IL7: variants seen among roughly 807,000 people sequenced by gnomAD.
IL7 encodes the protein interleukin-7.
IL7 carries 3 observed loss-of-function variants against 21.6 expected under a neutral mutation model. The observed-to-expected ratio is 0.14, with a 90% CI of 0.06 to 0.36. The LOEUF (loss-of-function observed/expected upper bound fraction) is 0.36. Ranked by LOEUF, IL7 falls within the 10% of genes least tolerant of loss-of-function variation. IL7 has a pLI of 1.00. For missense variants in IL7, 175 were observed against 200.2 expected (o/e 0.87, Z 0.76); for synonymous variants, 62 against 68.1 (o/e 0.91, Z 0.44).
At chr8:78,707,686 T>G (rs1437783172) in intron 3 of IL7, among the ~76,000 whole-genome samples, 1 of 152,176 alleles carries the variant, frequency 6.6e-6, no homozygotes, top group Non-Finnish European at 1.5e-5. Flanking sequence ...TTGTCCATTC[T>G]GTATAAGATC....
chr8:78,805,048 A>G lies in IL7; in HGVS notation c.-126T>C. On this transcript the variant is annotated 5_prime_UTR_variant, in exon 1 of 6. Transcript: ENST00000263851. ...TGCCGAGTCTGTGTTGGGCAGGGTGATCTCTGCAGCTGGTTCCTCTTACCC... is the reference window on the plus strand; with the variant it reads ...TGCCGAGTCTGTGTTGGGCAGGGTGGTCTCTGCAGCTGGTTCCTCTTACCC... The G allele has an allele frequency of 9.8e-7, 1 of 1,017,168 alleles. No homozygotes were observed. The highest frequency in any genetic ancestry group is 1.4e-6 in the Non-Finnish European group (1 of 689,980). 63.0% of individuals were successfully genotyped at this position (1,017,168 alleles called of 1,614,324 possible). A position where few individuals can be genotyped will look rare whatever the true frequency, so the allele number is the denominator to read the frequency against.
At chr8:78,676,595 A>G (rs1809586372) in intron 4 of IL7, among the ~76,000 whole-genome samples, 1 of 152,018 alleles carries the variant, frequency 6.6e-6, no homozygotes, top group Non-Finnish European at 1.5e-5. Context: ...TCTGCTGATT[A>G]AAGTTCTGCC....
intron 2 of IL7, among the ~76,000 whole-genome samples, chr8:78,750,249 A>G (rs1204539915): frequency 6.6e-6 from 1 of 152,156 alleles, no homozygotes; most frequent in Non-Finnish European, 1.5e-5. Flanking sequence ...AAAGAGCAGC[A>G]CTGAAAGTTC....
rs1811455387 is a variant in IL7 at position 78,732,905 on chromosome 8, T to C, written c.*808A>G. 2 of 152,154 alleles carry C rather than the reference T, an allele frequency of 1.3e-5. No homozygotes were observed. The highest frequency in any genetic ancestry group is 4.2e-4 in the South Asian group (2 of 4,816). 9.4% of individuals were successfully genotyped at this position (152,154 alleles called of 1,614,324 possible). The stretch of plus-strand genomic sequence containing the variant: ...TACAGATATTTCATTAATTAAAAGG[T>C]AAACATATATTATTATCTTAAAAAT... On this transcript the variant is annotated 3_prime_UTR_variant, in exon 6 of 6. Transcript: ENST00000263851.
intron 2 of IL7, among the ~76,000 whole-genome samples, chr8:78,777,882 C>G (rs1813185577): frequency 6.6e-6 from 1 of 151,984 alleles, no homozygotes; most frequent in Non-Finnish European, 1.5e-5. Flanking sequence ...CCTGATCGCT[C>G]CTTATTATAT....
chr8:78,770,704 C>A (rs1227307887), intron 2 of IL7, among the ~76,000 whole-genome samples: 1 of 151,956 alleles, frequency 6.6e-6, no homozygotes. Flanking sequence ...CACACACATA[C>A]ACACGCACAC....
chr8:78,702,555 GGTT>G lies in IL7; in HGVS notation n.215-16611_215-16609del, dbSNP rs143681715. 9.2e-4 allele frequency among the ~76,000 whole-genome samples: 140 copies of G among 152,054 alleles called. 4 individuals carry two copies. In the East Asian group the frequency reaches 0.023, roughly 25 times the overall value. On this transcript the variant is annotated intron_variant and non_coding_transcript_variant, in intron 3 of 4. Coordinates refer to the IL7 transcript ENST00000523959. ...TCTAGTTCTTTTAGTTGTGATCTTT[GGTT>G]GTTAACTTGAGATCTTTCTAACTTT...
intron 1 of IL7, among the ~76,000 whole-genome samples, chr8:78,804,089 T>A (rs1458328869): frequency 6.6e-6 from 1 of 152,160 alleles, no homozygotes; most frequent in African/African-American, 2.4e-5. Flanking sequence ...GTAAGTTTTT[T>A]GGCTCTTTCA....
chr8:78,774,270 A>G (rs922031072), intron 2 of IL7, among the ~76,000 whole-genome samples: 17 of 152,098 alleles, frequency 1.1e-4, no homozygotes, highest in African/African-American at 3.4e-4. Context: ...CTAATGCCCA[A>G]CATTGCTAGG....
intron 1 of IL7, 82 bp downstream of exon 1, chr8:78,804,831 G>A (rs1814253887): frequency 3.8e-5 from 58 of 1,543,040 alleles, no homozygotes; most frequent in Admixed American, 5.2e-5. Context: ...GACTTGCCTA[G>A]GAGCAGGGGC....
At chr8:78,789,236 A>C (rs1355383598) in intron 2 of IL7, among the ~76,000 whole-genome samples, 1 of 152,180 alleles carries the variant, frequency 6.6e-6, no homozygotes. Context: ...TATTCATAAA[A>C]CAAAAAGCCT....
At chr8:78,694,474 A>C (rs1810332242) in intron 3 of IL7, among the ~76,000 whole-genome samples, 2 of 152,154 alleles carry the variant, frequency 1.3e-5, no homozygotes, top group South Asian at 4.1e-4. Context: ...ATTTGAAATT[A>C]AATTATTGGC....
chr8:78,679,878 C>T (rs1809711879), intron 4 of IL7, among the ~76,000 whole-genome samples: 2 of 152,058 alleles, frequency 1.3e-5, no homozygotes, highest in Admixed American at 1.3e-4. Context: ...CTGTATAAAT[C>T]AATATATGAC....
At chr8:78,702,265 T>A (rs1810629254) in intron 3 of IL7, among the ~76,000 whole-genome samples, 1 of 152,190 alleles carries the variant, frequency 6.6e-6, no homozygotes, top group Non-Finnish European at 1.5e-5. Flanking sequence ...TATTGAGGTA[T>A]TCATAATATT....
At chr8:78,738,884 A>G (rs1811683582) in intron 3 of IL7, among the ~76,000 whole-genome samples, 2 of 152,164 alleles carry the variant, frequency 1.3e-5, no homozygotes, top group African/African-American at 2.4e-5. Context: ...TGTTTTCTCT[A>G]TTATGCTTAT....
intron 3 of IL7, among the ~76,000 whole-genome samples, chr8:78,711,436 T>G (rs1810946967): frequency 6.6e-6 from 1 of 151,608 alleles, no homozygotes; most frequent in East Asian, 1.9e-4. Context: ...TCATCCATGT[T>G]TTTTTTTTCC....
At chr8:78,731,300 C>T (rs1020596349), downstream of IL7, among the ~76,000 whole-genome samples, 10 of 151,896 alleles carry the variant, frequency 6.6e-5, no homozygotes, top group African/African-American at 2.4e-4. Context: ...GCAGATTCTC[C>T]TTGCTGTTAT....
At chr8:78,795,570 T>C (rs1359585145) in intron 2 of IL7, among the ~76,000 whole-genome samples, 1 of 152,088 alleles carries the variant, frequency 6.6e-6, no homozygotes, top group Non-Finnish European at 1.5e-5. Flanking sequence ...AAATGTGTCA[T>C]GAGTCTGTTG....
rs200388839 is a variant in IL7 at position 78,736,493 on chromosome 8, G to T, written c.395C>A (p.Ala132Asp). The change falls in exon 5 of 6, where the codon GCC (alanine) becomes GAC (aspartate). Residue 132 changes from alanine (A) to aspartate (D), a missense_variant. Transcript: ENST00000263851. ...TCTCACCAAACTCTTTGTTGGTTGGGCTTCACCCAGGGCAGCTGGTTTTCT... is the reference window on the plus strand; with the variant it reads ...TCTCACCAAACTCTTTGTTGGTTGGTCTTCACCCAGGGCAGCTGGTTTTCT... ...KGRKPAALGE[A>D]QPTKSLEENK... 13 of 1,602,548 alleles carry T rather than the reference G, an allele frequency of 8.1e-6. No homozygotes were observed. The highest frequency in any genetic ancestry group is 1.1e-5 in the Non-Finnish European group (13 of 1,172,408).
Sources: allele counts gnomAD v4.1 joint callset (sites outside exome capture counted in the v4.1 genomes callset), GRCh38; gene constraint gnomAD v4.1.1; transcripts MANE v1.5; gene names NCBI Gene and HGNC (gene_info 2026-07-23, HGNC 2026-07-21).